LRRC4C: variants seen among roughly 807,000 people sequenced by gnomAD.
The protein encoded by LRRC4C is leucine rich repeat containing 4C, also known as leucine-rich repeat-containing protein 4C.
Under a neutral mutation model 33.6 loss-of-function variants are expected in LRRC4C, and 5 were observed. The ratio of observed to expected loss-of-function variants is 0.15; its 90% CI spans 0.08 to 0.31. LRRC4C has a LOEUF of 0.31. LRRC4C is among the 10% of genes least tolerant of loss of function. LRRC4C has a pLI of 1.00. For synonymous variants in LRRC4C, 329 were observed against 302.0 expected (o/e 1.09, Z -0.93); for missense variants, 560 against 796.7 (o/e 0.70, Z 3.58).
At chr11:40,393,044 G>A (rs1949398289) in intron 3 of LRRC4C, among the ~76,000 whole-genome samples, 1 of 151,896 alleles carries the variant, frequency 6.6e-6, no homozygotes, top group African/African-American at 2.4e-5. Flanking sequence ...TGAAACAGCA[G>A]AGCAAAAAGC....
intron 2 of LRRC4C, among the ~76,000 whole-genome samples, chr11:40,665,467 T>C (rs1405815676): frequency 6.7e-6 from 1 of 149,364 alleles, no homozygotes; most frequent in Non-Finnish European, 1.5e-5. Context: ...TCTATTTCTA[T>C]TGTGTTATAA....
At chr11:40,615,979 G>A (rs536240832) in intron 3 of LRRC4C, among the ~76,000 whole-genome samples, 124 of 151,750 alleles carry the variant, frequency 8.2e-4, no homozygotes, top group African/African-American at 2.9e-3. Context: ...AAATATGTGT[G>A]GACTTTTCAA....
At chr11:40,494,585 T>C (rs1954331012) in intron 3 of LRRC4C, among the ~76,000 whole-genome samples, 1 of 152,118 alleles carries the variant, frequency 6.6e-6, no homozygotes, top group Non-Finnish European at 1.5e-5. Flanking sequence ...AAATCAGACT[T>C]TGTTTATACA....
At chr11:40,509,105 C>A (rs1164519463) in intron 3 of LRRC4C, among the ~76,000 whole-genome samples, 1 of 152,086 alleles carries the variant, frequency 6.6e-6, no homozygotes, top group African/African-American at 2.4e-5. Context: ...ATATATACTT[C>A]ATCACAGCAT....
intron 3 of LRRC4C, among the ~76,000 whole-genome samples, chr11:40,605,489 G>A (rs567751803): frequency 1.4e-4 from 22 of 152,140 alleles, no homozygotes; most frequent in South Asian, 4.2e-4. Flanking sequence ...CCAGATGAGC[G>A]CAGAACCAGC....
intron 1 of LRRC4C, among the ~76,000 whole-genome samples, chr11:41,267,348 G>A (rs1472827380): frequency 3.3e-5 from 5 of 152,012 alleles, no homozygotes; most frequent in Non-Finnish European, 7.4e-5. Context: ...TGAAAAGAAC[G>A]TAAATAACTT....
chr11:40,356,936 A>G (rs1246836697), intron 3 of LRRC4C, among the ~76,000 whole-genome samples: 2 of 152,178 alleles, frequency 1.3e-5, no homozygotes, highest in Non-Finnish European at 2.9e-5. Context: ...TGGGCAGACA[A>G]GAAAACTGAA....
At chr11:40,256,741 A>G (rs1035646378) in intron 4 of LRRC4C, among the ~76,000 whole-genome samples, 1 of 152,182 alleles carries the variant, frequency 6.6e-6, no homozygotes, top group African/African-American at 2.4e-5. Flanking sequence ...CTGCAGATGT[A>G]GAATCTTTCT....
In LRRC4C at chr11:40,451,267, C is replaced by G. The variant is rs142882123; in HGVS notation, c.-269-131546G>C. Among the ~76,000 whole-genome samples, 1,281 of 150,242 alleles carry G rather than the reference C, an allele frequency of 8.5e-3. 8 individuals carry two copies. Among genetic ancestry groups the G allele is most frequent in the African/African-American group, 0.029 (1,189 of 40,926 alleles). On this transcript the variant is annotated intron_variant, in intron 3 of 6. Transcript: ENST00000528697. ...TAGAAAACAGAAAAAAATTGATAAG[C>G]CTTTAGTTAAATAACCAAAACAAAA... is the stretch of plus-strand genomic sequence containing the variant.
intron 1 of LRRC4C, among the ~76,000 whole-genome samples, chr11:41,103,483 A>G (rs1941316612): frequency 6.6e-6 from 1 of 150,818 alleles, no homozygotes; most frequent in Admixed American, 6.6e-5. Flanking sequence ...TGTCTGTTGA[A>G]GAATATTACA....
At chr11:41,113,347 G>A (rs1307717762) in intron 1 of LRRC4C, among the ~76,000 whole-genome samples, 2 of 151,924 alleles carry the variant, frequency 1.3e-5, no homozygotes, top group Admixed American at 1.3e-4. Flanking sequence ...ATGCTGTTGG[G>A]GAAGATGACA....
chr11:40,742,855 T>C (rs1403307300), intron 2 of LRRC4C, among the ~76,000 whole-genome samples: 2 of 152,074 alleles, frequency 1.3e-5, no homozygotes, highest in Non-Finnish European at 2.9e-5. Flanking sequence ...TGGATTTTTA[T>C]AATATGTGAG....
intron 3 of LRRC4C, among the ~76,000 whole-genome samples, chr11:40,453,575 C>G (rs1169467657): frequency 6.7e-6 from 1 of 149,090 alleles, no homozygotes; most frequent in Admixed American, 6.7e-5. Flanking sequence ...TTTTATGATG[C>G]CAGTATTACC....
Position 40,984,405 on chromosome 11 carries a change from AAGAAAGAAAG to A in LRRC4C, c.-495-50692_-495-50683del, listed in dbSNP as rs1463686381. On this transcript the variant is annotated intron_variant, in intron 1 of 6. Coordinates refer to ENST00000528697, the MANE Select transcript of LRRC4C (RefSeq NM_001258419.2). Reference sequence around the variant, plus strand: ...AAAGAAAGAAAGAAAGAAAGAAAGAAAGAAAGAAAGAGAAAGAAAGAAAGAGAAAAAGAAA... The same window carrying A: ...AAAGAAAGAAAGAAAGAAAGAAAGAAAGAAAGAAAGAAAGAGAAAAAGAAA... Among the ~76,000 whole-genome samples the A allele has an allele frequency of 1.5e-3, 128 of 85,574 alleles. 1 individual carries two copies. The highest frequency in any genetic ancestry group is 4.1e-3 in the African/African-American group (112 of 27,282). 56.1% of individuals were successfully genotyped at this position (85,574 alleles called of 152,430 possible). A position where few individuals can be genotyped will look rare whatever the true frequency, so the allele number is the denominator to read the frequency against.
At chr11:41,439,794 A>ACCC (rs1955554515) in intron 1 of LRRC4C, among the ~76,000 whole-genome samples, 1 of 152,200 alleles carries the variant, frequency 6.6e-6, no homozygotes, top group Non-Finnish European at 1.5e-5. Flanking sequence ...TGCAGAAAGC[A>ACCC]TCTCTGAAAG....
intron 2 of LRRC4C, among the ~76,000 whole-genome samples, chr11:40,673,200 A>C (rs1329359644): frequency 6.6e-6 from 1 of 152,186 alleles, no homozygotes; most frequent in Non-Finnish European, 1.5e-5. Flanking sequence ...TGATCCTTAC[A>C]TAATCAGCTG....
At chr11:40,665,325 A>AAAAT (rs1943712197) in intron 2 of LRRC4C, among the ~76,000 whole-genome samples, 38 of 13,432 alleles carry the variant, frequency 2.8e-3, no homozygotes, top group Non-Finnish European at 4.6e-3. Flanking sequence ...AAAAAAAAAA[A>AAAAT]ATATATATAT....
At chr11:40,731,946 A>T (rs7929402) in intron 2 of LRRC4C, among the ~76,000 whole-genome samples, 123,839 of 151,916 alleles carry the variant, frequency 0.82, 50,633 homozygotes, top group African/African-American at 0.87. Context: ...CACTAAATAG[A>T]TGTTTGCATG....
chr11:40,477,504 C>T lies in LRRC4C; in HGVS notation c.-269-157783G>A, dbSNP rs149446572. On this transcript the variant is annotated intron_variant, in intron 3 of 6. Coordinates refer to ENST00000528697, the MANE Select transcript of LRRC4C (RefSeq NM_001258419.2). ...CCCACCTTTTATTTTCAGAATAATA[C>T]GATTATTTTCATTGTTACCTTCCTT... Among the ~76,000 whole-genome samples the T allele has an allele frequency of 1.2e-3, 182 of 151,930 alleles. 1 individual carries two copies. The highest frequency in any genetic ancestry group is 4.2e-3 in the African/African-American group (172 of 41,416).
Sources: allele counts gnomAD v4.1 joint callset (sites outside exome capture counted in the v4.1 genomes callset), GRCh38; gene constraint gnomAD v4.1.1; transcripts MANE v1.5; gene names NCBI Gene and HGNC (gene_info 2026-07-23, HGNC 2026-07-21).